The following INTS13 variants were observed in gnomAD, a reference collection of about 807,000 sequenced individuals.
INTS13 encodes asunder, spermatogenesis regulator homolog (Drosphila).
Under a neutral mutation model 90.2 loss-of-function variants are expected in INTS13, and 35 were observed. The observed-to-expected ratio is 0.39, with a 90% confidence interval of 0.30 to 0.51. The LOEUF (loss-of-function observed/expected upper bound fraction) is 0.51, where lower values mean the gene tolerates loss of function less well. INTS13 is among the 20% of genes least tolerant of loss of function. The probability of loss-of-function intolerance (pLI) is 0.80; values close to 1 mark genes in which losing one functional copy is unlikely to be tolerated. For synonymous variants in INTS13, 309 were observed against 277.1 expected, an observed-to-expected ratio of 1.11 and a Z score of -1.14; for missense variants, 601 against 851.2, an observed-to-expected ratio of 0.71 and a Z score of 3.66.
chr12:26,935,728 G>T (rs528438441), intron 2 of INTS13, among the ~76,000 whole-genome samples: 1 of 152,164 alleles, frequency 6.6e-6, no homozygotes, highest in East Asian at 1.9e-4. Flanking sequence ...ATTTTAAGAA[G>T]GGCTTATATT....
At chr12:26,938,298 G>A (rs1938598044), upstream of INTS13, 1 of 152,130 alleles carries the variant, frequency 6.6e-6, no homozygotes, top group African/African-American at 2.4e-5. Flanking sequence ...TCTCCACCCA[G>A]GCCGGTTTCC....
chr12:26,928,823 G>A lies in INTS13; in HGVS notation c.383C>T (p.Ala128Val), dbSNP rs749097965. 6.2e-7 allele frequency: 1 copy of A among 1,614,212 alleles called. No homozygotes were observed. The highest frequency in any genetic ancestry group is 1.1e-5 in the South Asian group (1 of 91,084). The change falls in exon 4 of 17, where the codon GCA becomes GTA. Residue 128 changes from alanine to valine, a missense_variant. By Grantham distance (64) the Ala-to-Val change is moderately conservative. Coordinates refer to ENST00000261191, the MANE Select transcript of INTS13 (RefSeq NM_018164.3). ...AATTTTGCAGAGAGTTTCCACTGCT[G>A]CAACAAGGCCATGCAGAATACTGCA... ...ECCSILHGLV[A>V]AVETLCKITE...
At position 26,936,960 on chromosome 12, in the gene INTS13, C is replaced by T. The variant is rs540739304; in HGVS notation, c.-11-146G>A. 8.0e-6 allele frequency: 5 copies of T among 624,592 alleles called. No individual in the cohort carries two copies. The South Asian group carries it at 9.8e-5, about 12-fold the overall frequency. 38.7% of individuals were successfully genotyped at this position (624,592 alleles called of 1,614,324 possible). On this transcript the variant is annotated intron_variant, in intron 1 of 16. Transcript: ENST00000261191. ...TCAAAGAAATCTGTCCGACAAAGGA[C>T]AGTTTAATGAGGTCATGACCAGAAA... is the stretch of plus-strand genomic sequence containing the variant.
In INTS13 at chr12:26,925,858, GA is replaced by G. The variant is rs201480298; in HGVS notation, c.585-8del. The G allele has an allele frequency of 2.2e-3, 3,556 of 1,607,188 alleles. 62 individuals carry two copies. In the African/African-American group the frequency reaches 0.04, roughly 18 times the overall value. ...TTTTTGAATCTGCATGAGACTTAAA[GA>G]GAAATTTTTGACTTAAAATTTAAGA... On this transcript the variant is annotated splice_region_variant and splice_polypyrimidine_tract_variant and intron_variant, in intron 5 of 16. Coordinates refer to ENST00000261191, the MANE Select transcript of INTS13 (RefSeq NM_018164.3).
chr12:26,919,121 C>A, intron 8 of INTS13: 1 of 264,160 alleles, frequency 3.8e-6, no homozygotes. Context: ...GAGCTATGAT[C>A]ACACTACTGT....
At chr12:26,913,746 TA>T in intron 13 of INTS13, 59 bp from the exon 14 acceptor site, 1 of 1,421,138 alleles carries the variant, frequency 7.0e-7, no homozygotes, top group South Asian at 1.3e-5. Flanking sequence ...TTTCTAGTGG[TA>T]AAGTAAAAAC....
Position 26,917,368 on chromosome 12 carries a change from A to C in INTS13, c.1053T>G (p.Thr351=). ...DVNSRPSSCL[T]NFLLNGRSVL... is the part of the protein sequence containing the mutation. ...TAAAGTTACCATTTAGAAGAAAATTAGTAAGGCAGGAGGAAGGTCTACTAT... is the reference window on the plus strand; with the variant it reads ...TAAAGTTACCATTTAGAAGAAAATTCGTAAGGCAGGAGGAAGGTCTACTAT... Residue 351 remains threonine (T), a synonymous_variant, in exon 10 of 17, where the codon ACT becomes ACG. Coordinates refer to ENST00000261191, the MANE Select transcript of INTS13 (RefSeq NM_018164.3). 1.3e-6 allele frequency: 2 copies of C among 1,482,330 alleles called. No individual in the cohort carries two copies. Among genetic ancestry groups the C allele is most frequent in the Non-Finnish European group, 1.8e-6 (2 of 1,094,130 alleles). 91.8% of individuals were successfully genotyped at this position (1,482,330 alleles called of 1,614,324 possible). A position where few individuals can be genotyped will look rare whatever the true frequency, so the allele number is the denominator to read the frequency against.
At chr12:26,918,666 C>T (rs1952013606) in intron 8 of INTS13, among the ~76,000 whole-genome samples, 1 of 152,122 alleles carries the variant, frequency 6.6e-6, no homozygotes, top group Non-Finnish European at 1.5e-5. Context: ...GAAACACAAA[C>T]CAAGGGATCT....
chr12:26,911,464 T>G (rs1186204231), intron 14 of INTS13, 147 bp from the exon 15 acceptor site: 1 of 524,784 alleles, frequency 1.9e-6, no homozygotes, highest in Non-Finnish European at 3.0e-6. Flanking sequence ...AATCTCAATC[T>G]AAAACCAGGT....
intron 7 of INTS13, among the ~76,000 whole-genome samples, chr12:26,924,071 T>C (rs1937728518): frequency 1.3e-5 from 2 of 152,130 alleles, no homozygotes. Flanking sequence ...ACATTGAATG[T>C]GGGCTAGCAA....
chr12:26,928,314 T>G, intron 4 of INTS13, 29 bp from the exon 5 acceptor site: 1 of 1,548,306 alleles, frequency 6.5e-7, no homozygotes, highest in Non-Finnish European at 8.9e-7. Flanking sequence ...ATAGCAAATT[T>G]AAAGGAATAA....
rs772704580 is a variant in INTS13, at chr12:26,936,786, T to C, written c.18A>G (p.Glu6=). The C allele has an allele frequency of 1.2e-6, 2 of 1,612,930 alleles. No individual in the cohort carries two copies. The highest frequency in any genetic ancestry group is 1.7e-6 in the Non-Finnish European group (2 of 1,179,088). The change falls in exon 2 of 17, where the codon GAA becomes GAG. Residue 6 remains glutamate (E), a synonymous_variant. Coordinates refer to ENST00000261191, the MANE Select transcript of INTS13 (RefSeq NM_018164.3). MKIFS[E]SHKTVFVVDH... Reference sequence around the variant, plus strand: ...CCACAACAAACACTGTTTTATGAGATTCAGAAAAAATCTTCATTTTGTTTT... The same window carrying C: ...CCACAACAAACACTGTTTTATGAGACTCAGAAAAAATCTTCATTTTGTTTT...
chr12:26,931,043 C>A (rs1021831971), intron 3 of INTS13, among the ~76,000 whole-genome samples: 4 of 151,870 alleles, frequency 2.6e-5, no homozygotes, highest in Non-Finnish European at 5.9e-5. Flanking sequence ...ATACTAATCA[C>A]AAACATTTTA....
chr12:26,937,555 A>G (rs1194460627), intron 1 of INTS13: 1 of 152,236 alleles, frequency 6.6e-6, no homozygotes, highest in Non-Finnish European at 1.5e-5. Flanking sequence ...CGCTAACAAA[A>G]TCTTATACTG....
chr12:26,925,865 T>C lies in INTS13; in HGVS notation c.585-14A>G. On this transcript the variant is annotated splice_polypyrimidine_tract_variant and intron_variant, in intron 5 of 16. Coordinates refer to ENST00000261191, the MANE Select transcript of INTS13 (RefSeq NM_018164.3). Reference sequence around the variant, plus strand: ...ATCTGCATGAGACTTAAAGAGAAATTTTTGACTTAAAATTTAAGAATACAT... The same window carrying C: ...ATCTGCATGAGACTTAAAGAGAAATCTTTGACTTAAAATTTAAGAATACAT... 6.3e-7 allele frequency: 1 copy of C among 1,595,400 alleles called. No individual in the cohort carries two copies. Among genetic ancestry groups the C allele is most frequent in the Non-Finnish European group, 8.6e-7 (1 of 1,164,768 alleles).
chr12:26,911,872 G>A (rs117558848), intron 14 of INTS13, among the ~76,000 whole-genome samples: 1 of 152,190 alleles, frequency 6.6e-6, no homozygotes, highest in Non-Finnish European at 1.5e-5. Context: ...CCCTCTTACA[G>A]TGAGCCAGTA....
chr12:26,931,222 C>T (rs904956286), intron 3 of INTS13, among the ~76,000 whole-genome samples: 8 of 151,854 alleles, frequency 5.3e-5, no homozygotes, highest in East Asian at 1.9e-4. Flanking sequence ...GCAGGCAGAT[C>T]GCTTGAGGTT....
chr12:26,905,344 A>C lies in INTS13; in HGVS notation c.*153T>G. 1.6e-6 allele frequency: 1 copy of C among 639,206 alleles called. No individual in the cohort carries two copies. Among genetic ancestry groups the C allele is most frequent in the Non-Finnish European group, 2.6e-6 (1 of 384,968 alleles). The allele number at this position is 639,206 out of a possible 1,614,324, so 39.6% of individuals were successfully genotyped here. On this transcript the variant is annotated 3_prime_UTR_variant, in exon 17 of 17. Coordinates refer to ENST00000261191, the MANE Select transcript of INTS13 (RefSeq NM_018164.3). ...TATTTTTGAATTATGTGCCAATTTT[A>C]TAATTAGTACAAAAATGACAGCTGA... is the stretch of plus-strand genomic sequence containing the variant.
At chr12:26,923,223 G>T (rs1039033333) in intron 7 of INTS13, among the ~76,000 whole-genome samples, 1 of 152,108 alleles carries the variant, frequency 6.6e-6, no homozygotes, top group Non-Finnish European at 1.5e-5. Context: ...CACAAAGATT[G>T]AAGAGTCACA....
Sources: gnomAD v4.1 joint callset for allele counts (sites outside exome capture counted in the v4.1 genomes callset) on GRCh38, gnomAD v4.1.1 for gene constraint, MANE v1.5 for transcripts, NCBI Gene and HGNC (gene_info 2026-07-23, HGNC 2026-07-21) for gene names.